Variants in GOT1 observed in about 807,000 individuals in gnomAD.
GOT1 encodes aspartate aminotransferase, cytoplasmic.
GOT1 carries 25 observed loss-of-function variants against 48.2 expected under a neutral mutation model. The observed-to-expected ratio is 0.52, with a 90% CI of 0.38 to 0.72. The LOEUF is 0.72. Ranked by LOEUF, GOT1 falls within the 30% of genes least tolerant of loss-of-function variation. The probability of loss-of-function intolerance (pLI) is 0.00; values close to 1 mark genes in which losing one functional copy is unlikely to be tolerated. For synonymous variants in GOT1, 188 were observed against 193.8 expected, an observed-to-expected ratio of 0.97 and a Z score of 0.25; for missense variants, 380 against 520.1, an observed-to-expected ratio of 0.73 and a Z score of 2.62.
intron 1 of GOT1, among the ~76,000 whole-genome samples, chr10:99,428,604 T>G (rs888801245): frequency 1.3e-5 from 2 of 152,200 alleles, no homozygotes; most frequent in African/African-American, 4.8e-5. Context: ...GTGATCCACC[T>G]GCCTTGGCCT....
In GOT1 at chr10:99,398,087, G is replaced by A. The variant is rs1459668453; in HGVS notation, c.1103-401C>T. Among the ~76,000 whole-genome samples, 4 of 152,138 alleles carry A rather than the reference G, an allele frequency of 2.6e-5. 1 individual carries two copies. The highest frequency in any genetic ancestry group is 4.4e-5 in the Non-Finnish European group (3 of 68,030). On this transcript the variant is annotated intron_variant, in intron 8 of 8. Transcript: ENST00000370508. Reference sequence around the variant, plus strand: ...TAACCTGGACTTGCATTGAGTACCCGCGGCAGCCTCCCTTTGACATTTCAT... The same window carrying A: ...TAACCTGGACTTGCATTGAGTACCCACGGCAGCCTCCCTTTGACATTTCAT...
In GOT1 at chr10:99,397,816, T is replaced by G; in HGVS notation, c.1103-130A>C. On this transcript the variant is annotated intron_variant, in intron 8 of 8. Transcript: ENST00000370508. The surrounding 1 kb of genome is among the most constrained non-coding windows in gnomAD (Gnocchi z 5.4). ...CAGAGAGAAGCAAAACAAAAGGCGC[T>G]ATTTTGTCCAACTGACAAACAGAAA... 1.2e-6 allele frequency: 1 copy of G among 814,846 alleles called. No individual in the cohort carries two copies. Among genetic ancestry groups the G allele is most frequent in the Non-Finnish European group, 1.9e-6 (1 of 518,756 alleles). 50.5% of individuals were successfully genotyped at this position (814,846 alleles called of 1,614,324 possible). A position where few individuals can be genotyped will look rare whatever the true frequency, so the allele number is the denominator to read the frequency against.
chr10:99,405,703 A>C (rs2032746388), intron 5 of GOT1, 53 bp downstream of exon 5: 1 of 885,734 alleles, frequency 1.1e-6, no homozygotes, highest in South Asian at 1.3e-5. Context: ...TTCTACATAC[A>C]TTAAATAAGA....
At chr10:99,422,231 T>G (rs1362571999) in intron 1 of GOT1, among the ~76,000 whole-genome samples, 1 of 152,188 alleles carries the variant, frequency 6.6e-6, no homozygotes, top group East Asian at 1.9e-4. Context: ...CATGTGAAGG[T>G]GCTTGCTTGC....
chr10:99,417,844 T>C (rs1456919852), intron 2 of GOT1, among the ~76,000 whole-genome samples: 4 of 151,932 alleles, frequency 2.6e-5, no homozygotes, highest in Non-Finnish European at 4.4e-5. Context: ...TAGGTGGGAA[T>C]TGAACAATGA....
At chr10:99,412,028 T>G (rs1002076515) in intron 2 of GOT1, among the ~76,000 whole-genome samples, 5 of 152,062 alleles carry the variant, frequency 3.3e-5, no homozygotes, top group African/African-American at 1.2e-4. Flanking sequence ...CTAAAATACC[T>G]AAGGATTCAG....
intron 5 of GOT1, 82 bp from the exon 6 acceptor site, chr10:99,403,956 C>G (rs1256732338): frequency 1.5e-6 from 2 of 1,339,528 alleles, no homozygotes; most frequent in African/African-American, 1.4e-5. Context: ...CCAGCTGATG[C>G]CTGGAGGGAA....
At chr10:99,424,535 A>G (rs772623750) in intron 1 of GOT1, among the ~76,000 whole-genome samples, 47 of 152,340 alleles carry the variant, frequency 3.1e-4, no homozygotes, top group Non-Finnish European at 5.0e-4. Context: ...TCTATTCTAT[A>G]ACATTATTAG....
intron 2 of GOT1, 86 bp downstream of exon 2, chr10:99,420,538 C>T (rs572789018): frequency 3.2e-4 from 327 of 1,009,350 alleles, no homozygotes; most frequent in South Asian, 6.2e-4. Flanking sequence ...ATAGACATAA[C>T]GCCTAATATT....
intron 1 of GOT1, among the ~76,000 whole-genome samples, chr10:99,424,053 C>T (rs1383867424): frequency 6.6e-6 from 1 of 152,178 alleles, no homozygotes; most frequent in Admixed American, 6.5e-5. Flanking sequence ...GGGATTTGGT[C>T]TGGCTTCTCT....
At chr10:99,428,362 T>C (rs1408881756) in intron 1 of GOT1, among the ~76,000 whole-genome samples, 1 of 152,010 alleles carries the variant, frequency 6.6e-6, no homozygotes, top group African/African-American at 2.4e-5. Context: ...TGTTTTTTTT[T>C]TTCTTTCTTT....
intron 2 of GOT1, among the ~76,000 whole-genome samples, chr10:99,413,527 T>C (rs181351726): frequency 1.3e-5 from 2 of 152,140 alleles, no homozygotes; most frequent in Non-Finnish European, 2.9e-5. Context: ...CAGGATATTA[T>C]CCAGGAGAAG....
intron 2 of GOT1, among the ~76,000 whole-genome samples, chr10:99,412,110 G>A (rs1014521951): frequency 1.3e-5 from 2 of 152,160 alleles, no homozygotes; most frequent in African/African-American, 4.8e-5. Context: ...CAATAAGGGA[G>A]GGCATTCCAA....
chr10:99,417,828 C>A (rs1301581635), intron 2 of GOT1, among the ~76,000 whole-genome samples: 1 of 152,096 alleles, frequency 6.6e-6, no homozygotes, highest in African/African-American at 2.4e-5. Context: ...TGCATGTTCT[C>A]ACTCATAGGT....
chr10:99,413,524 T>C (rs1378771045), intron 2 of GOT1, among the ~76,000 whole-genome samples: 10 of 152,160 alleles, frequency 6.6e-5, no homozygotes, highest in Admixed American at 6.5e-4. Flanking sequence ...CTGCAGGATA[T>C]TATCCAGGAG....
In GOT1 at chr10:99,403,612, A is replaced by G. The variant is rs762439721; in HGVS notation, c.816T>C (p.Thr272=). 3 of 1,613,984 alleles carry G rather than the reference A, an allele frequency of 1.9e-6. No homozygotes were observed. ...GLYNERVGNL[T]VVGKEPESIL... ...TGCTCTCAGGTTCTTTTCCAACCAC[A>G]GTCAGATTCCCGACTCTCTCATCTA... The change falls in exon 7 of 9, where the codon ACT becomes ACC. Residue 272 remains threonine, a synonymous_variant. Transcript: ENST00000370508.
Position 99,397,593 on chromosome 10 carries a change from T to C in GOT1, c.1196A>G (p.Asp399Gly), listed in dbSNP as rs1396717156. Residue 399 changes from aspartate (D) to glycine (G), a missense_variant, in exon 9 of 9, where the codon GAT (aspartate) becomes GGT (glycine). Physicochemically the swap from Asp to Gly is moderately conservative, Grantham distance 94 (BLOSUM62 -1). Transcript: ENST00000370508. The surrounding 1 kb of genome is among the most constrained non-coding windows in gnomAD (Gnocchi z 5.4). Reference protein sequence around the residue: ...NVSGLTTKNLDYVATSIHEAV... With the variant: ...NVSGLTTKNLGYVATSIHEAV... Reference sequence around the variant, plus strand: ...TTCATGGATGGAGGTGGCCACGTAATCTAGATTTTTGGTGGTTAAGCCACT... The same window carrying C: ...TTCATGGATGGAGGTGGCCACGTAACCTAGATTTTTGGTGGTTAAGCCACT... The C allele has an allele frequency of 2.5e-6, 4 of 1,614,134 alleles. No homozygotes were observed. The highest frequency in any genetic ancestry group is 2.5e-6 in the Non-Finnish European group (3 of 1,180,016).
In GOT1 at chr10:99,418,059, A is replaced by AT. The variant is rs201912833; in HGVS notation, c.300+2564_300+2565insA. ...AGAACTTAAAGTATAATTAAAAAAA[A>AT]AAATATATATATATATAAAAAGAAG... On this transcript the variant is annotated intron_variant, in intron 2 of 8. Transcript: ENST00000370508. Among the ~76,000 whole-genome samples, 816 of 145,174 alleles carry AT rather than the reference A, an allele frequency of 5.6e-3. 4 individuals are homozygous for AT. Among genetic ancestry groups the AT allele is most frequent in the South Asian group, 8.4e-3 (40 of 4,748 alleles).
chr10:99,412,034 T>G (rs2032833569), intron 2 of GOT1, among the ~76,000 whole-genome samples: 1 of 152,118 alleles, frequency 6.6e-6, no homozygotes. Context: ...TACCTAAGGA[T>G]TCAGTGTGGA....
Sources: allele counts gnomAD v4.1 joint callset (sites outside exome capture counted in the v4.1 genomes callset), GRCh38; gene constraint gnomAD v4.1.1; non-coding constraint Gnocchi (gnomAD v3.1); transcripts MANE v1.5; gene names NCBI Gene and HGNC (gene_info 2026-07-23, HGNC 2026-07-21).